MPHOSPH9: variants seen among roughly 807,000 people sequenced by gnomAD.
MPHOSPH9 encodes M-phase phosphoprotein 9.
A neutral mutation model predicts 145.5 loss-of-function variants in MPHOSPH9; 88 were observed. The observed-to-expected ratio is 0.60, with a 90% CI of 0.51 to 0.72. MPHOSPH9 has a LOEUF of 0.72. MPHOSPH9 is among the 30% of genes least tolerant of loss of function. The pLI is 0.00. For synonymous variants in MPHOSPH9, 435 were observed against 486.2 expected, an observed-to-expected ratio of 0.89 and a Z score of 1.39; for missense variants, 1,238 against 1,386.6, an observed-to-expected ratio of 0.89 and a Z score of 1.70.
chr12:123,183,915 T>G lies in MPHOSPH9; in HGVS notation c.2242-2705A>C, dbSNP rs2045317912. 1.3e-5 allele frequency among the ~76,000 whole-genome samples: 2 copies of G among 151,972 alleles called. 1 individual carries two copies. The highest frequency in any genetic ancestry group is 2.9e-5 in the Non-Finnish European group (2 of 67,996). On this transcript the variant is annotated intron_variant, in intron 13 of 23. Coordinates refer to ENST00000606320, the MANE Select transcript of MPHOSPH9 (RefSeq NM_022782.4). ...AGAGGATAAAGAGAAAATGACAAAGTAAAAGACTTCAAAAACACCCAGGGC... is the reference window on the plus strand; with the variant it reads ...AGAGGATAAAGAGAAAATGACAAAGGAAAAGACTTCAAAAACACCCAGGGC...
In MPHOSPH9 at chr12:123,156,860, C is replaced by G; in HGVS notation, c.3499G>C (p.Val1167Leu). 6.2e-7 allele frequency: 1 copy of G among 1,612,380 alleles called. No individual in the cohort carries two copies. Among genetic ancestry groups the G allele is most frequent in the Non-Finnish European group, 8.5e-7 (1 of 1,178,660 alleles). The part of the protein sequence containing the change: ...LERINRELGS[V>L]RMTLKKFHVL... ...TGGAATTTCTTTAGCGTCATGCGAA[C>G]TGAACCCAGTTCTCGATTAATCCTT... The change falls in exon 24 of 24, where the codon GTT (valine) becomes CTT (leucine). Residue 1167 changes from valine (V) to leucine (L), a missense_variant. By Grantham distance (32) the Val-to-Leu change is conservative (BLOSUM62 1). Around this residue, in one of 3 missense-constraint regions of MPHOSPH9, gnomAD observed 393 missense variants for 462.5 expected, o/e 0.85. Transcript: ENST00000606320.
intron 4 of MPHOSPH9, among the ~76,000 whole-genome samples, chr12:123,222,476 C>CA (rs2047247346): frequency 6.6e-6 from 1 of 152,014 alleles, no homozygotes; most frequent in South Asian, 2.1e-4. Context: ...CCAGCCTGGC[C>CA]AACATGGTTG....
intron 5 of MPHOSPH9, among the ~76,000 whole-genome samples, chr12:123,220,151 A>C (rs1193886314): frequency 2.0e-5 from 3 of 151,954 alleles, no homozygotes; most frequent in Non-Finnish European, 2.9e-5. Context: ...CTGCGATCGC[A>C]CCACTGCACT....
At chr12:123,222,011 G>GAGA (rs2047219561) in intron 4 of MPHOSPH9, 116 bp from the exon 5 acceptor site, 1 of 688,334 alleles carries the variant, frequency 1.5e-6, no homozygotes, top group African/African-American at 1.8e-5. Context: ...TAAAGATAAT[G>GAGA]TGATACTTTA....
intron 17 of MPHOSPH9, 163 bp from the exon 18 acceptor site, chr12:123,165,640 G>C: frequency 1.7e-6 from 1 of 604,008 alleles, no homozygotes; most frequent in Non-Finnish European, 2.8e-6. Context: ...GGTCATGAGG[G>C]TGAAGCCTCC....
intron 1 of MPHOSPH9, among the ~76,000 whole-genome samples, chr12:123,243,256 C>T (rs1282779716): frequency 1.3e-5 from 2 of 149,404 alleles, no homozygotes; most frequent in Non-Finnish European, 3.0e-5. Context: ...TTTGGCTGGG[C>T]GCAATGGCTC....
Position 123,221,403 on chromosome 12 carries a change from C to T in MPHOSPH9, c.841G>A (p.Val281Ile). Residue 281 changes from valine (V) to isoleucine (I), a missense_variant, in exon 5 of 24, where the codon GTT becomes ATT. By Grantham distance (29) the Val-to-Ile change is conservative (BLOSUM62 3). Around this residue, in one of 3 missense-constraint regions of MPHOSPH9, gnomAD observed 837 missense variants for 897.5 expected, o/e 0.93. Transcript: ENST00000606320. ...FEHNFLGENK[V>I]SEVYSGKTNS... Reference sequence around the variant, plus strand: ...GTTTTCCCACTGTATACTTCAGAAACCTTATTTTCACCAAGAAAATTATGT... The same window carrying T: ...GTTTTCCCACTGTATACTTCAGAAATCTTATTTTCACCAAGAAAATTATGT... 6.2e-7 allele frequency: 1 copy of T among 1,608,194 alleles called. No homozygotes were observed. Among genetic ancestry groups the T allele is most frequent in the Non-Finnish European group, 8.5e-7 (1 of 1,178,032 alleles).
chr12:123,212,705 C>CT (rs2046781745), intron 7 of MPHOSPH9, among the ~76,000 whole-genome samples: 1 of 81,252 alleles, frequency 1.2e-5, no homozygotes. Context: ...GAGCAAAACT[C>CT]TGTCTCAAAA....
intron 11 of MPHOSPH9, among the ~76,000 whole-genome samples, chr12:123,201,333 A>G (rs2046211631): frequency 6.6e-6 from 1 of 152,150 alleles, no homozygotes; most frequent in African/African-American, 2.4e-5. Context: ...CTCCTTAGAG[A>G]ATGCCTTGCT....
At chr12:123,183,566 A>AAAAAG (rs1593123138) in intron 13 of MPHOSPH9, among the ~76,000 whole-genome samples, 1 of 151,124 alleles carries the variant, frequency 6.6e-6, no homozygotes, top group African/African-American at 2.4e-5. Flanking sequence ...AAAAAAAAAA[A>AAAAAG]AAAAGAAAAA....
At chr12:123,205,350 G>A (rs1790129) in intron 8 of MPHOSPH9, among the ~76,000 whole-genome samples, 83,036 of 152,014 alleles carry the variant, frequency 0.55, 27,296 homozygotes, top group East Asian at 0.71. Flanking sequence ...GTTCGACACC[G>A]GCCTGGCCAA....
At chr12:123,219,233 A>C (rs1271435456) in intron 5 of MPHOSPH9, among the ~76,000 whole-genome samples, 1 of 151,858 alleles carries the variant, frequency 6.6e-6, no homozygotes, top group Non-Finnish European at 1.5e-5. Context: ...CGGTAAGACA[A>C]TGAATTTTTA....
intron 5 of MPHOSPH9, among the ~76,000 whole-genome samples, chr12:123,218,955 G>A (rs1485275633): frequency 2.0e-5 from 3 of 151,912 alleles, no homozygotes; most frequent in Non-Finnish European, 2.9e-5. Flanking sequence ...AGAATGCAGC[G>A]GCAGTGGTGC....
rs534338922 is a variant in MPHOSPH9, at chr12:123,177,535, C to CA, written c.2355-747dup. Reference sequence around the variant, plus strand: ...TGGGCAACAGAGCAAGACTTTGTCTCAAAAAAAAAATAAAAGCTAAACAAA... The same window carrying CA: ...TGGGCAACAGAGCAAGACTTTGTCTCAAAAAAAAAAATAAAAGCTAAACAAA... On this transcript the variant is annotated intron_variant, in intron 15 of 23. Coordinates refer to ENST00000606320, the MANE Select transcript of MPHOSPH9 (RefSeq NM_022782.4). Among the ~76,000 whole-genome samples, 327 of 142,506 alleles carry CA rather than the reference C, an allele frequency of 2.3e-3. 1 individual carries two copies. The highest frequency in any genetic ancestry group is 3.6e-3 in the Non-Finnish European group (235 of 65,124). 93.5% of individuals were successfully genotyped at this position (142,506 alleles called of 152,430 possible).
At position 123,203,255 on chromosome 12, in the gene MPHOSPH9, G is replaced by A. The variant is rs761870496; in HGVS notation, c.1315C>T (p.Pro439Ser). The change falls in exon 9 of 24, where the codon CCA becomes TCA. Residue 439 changes from proline to serine, a missense_variant. By Grantham distance (74) the Pro-to-Ser change is moderately conservative (BLOSUM62 -1). Around this residue, in one of 3 missense-constraint regions of MPHOSPH9, gnomAD observed 837 missense variants for 897.5 expected, o/e 0.93. Coordinates refer to ENST00000606320, the MANE Select transcript of MPHOSPH9 (RefSeq NM_022782.4). ...LTSASNPNHP[P>S]EVLTLDPTLH... Reference sequence around the variant, plus strand: ...CAGAATGTGGACAACTTTACCTCTGGTGGATGATTTGGGTTGGAAGCAGAA... The same window carrying A: ...CAGAATGTGGACAACTTTACCTCTGATGGATGATTTGGGTTGGAAGCAGAA... 6.2e-7 allele frequency: 1 copy of A among 1,613,280 alleles called. No homozygotes were observed. Among genetic ancestry groups the A allele is most frequent in the Non-Finnish European group, 8.5e-7 (1 of 1,179,822 alleles).
chr12:123,178,360 T>C (rs2044976476), intron 15 of MPHOSPH9, among the ~76,000 whole-genome samples: 2 of 152,250 alleles, frequency 1.3e-5, no homozygotes, highest in African/African-American at 4.8e-5. Context: ...ACTGAATGAA[T>C]CACAGAAGAG....
chr12:123,178,610 G>A (rs573138431), intron 15 of MPHOSPH9, among the ~76,000 whole-genome samples: 10 of 152,074 alleles, frequency 6.6e-5, no homozygotes, highest in Non-Finnish European at 1.3e-4. Context: ...TGCAACCTCC[G>A]TCTCCAGAGT....
chr12:123,222,195 C>T (rs1007200609), intron 4 of MPHOSPH9, among the ~76,000 whole-genome samples: 8 of 151,328 alleles, frequency 5.3e-5, no homozygotes, highest in Non-Finnish European at 1.2e-4. Context: ...CACGGTGGTG[C>T]GCATCTGTAA....
Position 123,160,816 on chromosome 12 carries a change from C to T in MPHOSPH9, c.3415G>A (p.Gly1139Arg). ...EAALSRMPSP[G>R]GRITLQTRLN... is the part of the protein sequence containing the mutation. ...CTTGTCTGTAAAGTGATTCGTCCTC[C>T]AGGAGAAGGCATCCTGCTTAGTGCT... Residue 1139 changes from glycine (G) to arginine (R), a missense_variant, in exon 23 of 24, where the codon GGA (glycine) becomes AGA (arginine). By Grantham distance (125) the Gly-to-Arg change is moderately radical. Around this residue, in one of 3 missense-constraint regions of MPHOSPH9, gnomAD observed 393 missense variants for 462.5 expected, o/e 0.85. Transcript: ENST00000606320. 1.2e-6 allele frequency: 2 copies of T among 1,613,966 alleles called. No individual in the cohort carries two copies. The highest frequency in any genetic ancestry group is 1.3e-5 in the African/African-American group (1 of 75,026).
Sources: allele counts gnomAD v4.1 joint callset (sites outside exome capture counted in the v4.1 genomes callset), GRCh38; gene constraint gnomAD v4.1.1; regional missense constraint gnomAD v4.1.1; transcripts MANE v1.5; gene names NCBI Gene and HGNC (gene_info 2026-07-23, HGNC 2026-07-21).